ITPR2: variants seen among roughly 807,000 people sequenced by gnomAD.
The protein encoded by ITPR2 is inositol 1,4,5-trisphosphate receptor type 2.
Under a neutral mutation model 317.1 loss-of-function variants are expected in ITPR2, and 207 were observed. That is an observed-to-expected ratio of 0.65 (90% CI 0.58 to 0.73). ITPR2 has a LOEUF of 0.73. ITPR2 is among the 30% of genes least tolerant of loss of function. The probability of loss-of-function intolerance (pLI) is 0.00; values close to 1 mark genes in which losing one functional copy is unlikely to be tolerated. For synonymous variants in ITPR2, 1,156 were observed against 1,149.1 expected, an observed-to-expected ratio of 1.01 and a Z score of -0.12; for missense variants, 2,613 against 3,284.0, an observed-to-expected ratio of 0.80 and a Z score of 4.99.
At chr12:26,589,829 T>C (rs138215755) in intron 32 of ITPR2, among the ~76,000 whole-genome samples, 2 of 22,794 alleles carry the variant, frequency 8.8e-5, no homozygotes, top group African/African-American at 2.5e-4. Context: ...AATAAATAAA[T>C]AAACATATAT....
chr12:26,489,891 C>G (rs781759196), intron 39 of ITPR2, among the ~76,000 whole-genome samples: 11 of 152,120 alleles, frequency 7.2e-5, no homozygotes, highest in Non-Finnish European at 1.6e-4. Context: ...CCCCATGGAA[C>G]TGGCAAGTGT....
chr12:26,782,032 ATG>A (rs1437072050), intron 2 of ITPR2, among the ~76,000 whole-genome samples: 2,540 of 26,382 alleles, frequency 0.096, 124 homozygotes, highest in Non-Finnish European at 0.13. Flanking sequence ...ATATATATAT[ATG>A]TATAGAGAGA....
At position 26,475,279 on chromosome 12, in the gene ITPR2, G is replaced by A; in HGVS notation, c.6342+17C>T. The A allele has an allele frequency of 6.2e-7, 1 of 1,613,084 alleles. No individual in the cohort carries two copies. Reference sequence around the variant, plus strand: ...GATAGGATGAGCAAAATAATGTAAAGATATAAAATGTGACACCTGATGGGC... The same window carrying A: ...GATAGGATGAGCAAAATAATGTAAAAATATAAAATGTGACACCTGATGGGC... On this transcript the variant is annotated intron_variant, in intron 45 of 56. Transcript: ENST00000381340.
At chr12:26,522,842 G>A (rs565561694) in intron 37 of ITPR2, among the ~76,000 whole-genome samples, 162 of 146,274 alleles carry the variant, frequency 1.1e-3, no homozygotes, top group African/African-American at 3.9e-3. Flanking sequence ...CTTCCACGGC[G>A]GGGGGGGAAC....
At chr12:26,457,162 C>G (rs61914406) in intron 45 of ITPR2, among the ~76,000 whole-genome samples, 5,863 of 152,140 alleles carry the variant, frequency 0.039, 182 homozygotes, top group Non-Finnish European at 0.063. Context: ...GAAAATAAAG[C>G]GGAGGACGGA....
At chr12:26,819,742 T>C (rs2137289252) in intron 1 of ITPR2, among the ~76,000 whole-genome samples, 1 of 151,922 alleles carries the variant, frequency 6.6e-6, no homozygotes, top group Middle Eastern at 3.4e-3. Context: ...CTTTCTTTAA[T>C]GTGGCTATAG....
At chr12:26,447,067 C>T (rs1302925737) in intron 45 of ITPR2, among the ~76,000 whole-genome samples, 1 of 152,142 alleles carries the variant, frequency 6.6e-6, no homozygotes, top group South Asian at 2.1e-4. Flanking sequence ...TGGTCTGTGA[C>T]ATCCTCAAAT....
chr12:26,441,644 C>G (rs555309690), intron 46 of ITPR2, among the ~76,000 whole-genome samples: 1 of 152,236 alleles, frequency 6.6e-6, no homozygotes, highest in African/African-American at 2.4e-5. Context: ...TCAGCCTGGA[C>G]CACTCCTTTG....
chr12:26,374,397 C>T (rs879291373), intron 55 of ITPR2, among the ~76,000 whole-genome samples: 9 of 152,274 alleles, frequency 5.9e-5, no homozygotes, highest in Middle Eastern at 3.4e-3. Context: ...CAGATGTGGG[C>T]GCAGCATCTA....
At chr12:26,587,569 G>A (rs555430525) in intron 32 of ITPR2, among the ~76,000 whole-genome samples, 61 of 152,286 alleles carry the variant, frequency 4.0e-4, no homozygotes, top group African/African-American at 1.5e-3. Flanking sequence ...CAGATAGCTA[G>A]CTAGGGGGAG....
At chr12:26,616,224 G>A (rs967754859) in intron 26 of ITPR2, among the ~76,000 whole-genome samples, 1 of 151,844 alleles carries the variant, frequency 6.6e-6, no homozygotes, top group Non-Finnish European at 1.5e-5. Context: ...TGCAAGCTCC[G>A]CCTCCCGGGT....
chr12:26,497,232 C>G (rs1942956150), intron 37 of ITPR2, among the ~76,000 whole-genome samples: 1 of 150,016 alleles, frequency 6.7e-6, no homozygotes, highest in Non-Finnish European at 1.5e-5. Flanking sequence ...CGGCTCACTG[C>G]AAGCTCCGCC....
intron 55 of ITPR2, among the ~76,000 whole-genome samples, chr12:26,350,948 G>T (rs1428330674): frequency 6.6e-6 from 1 of 152,200 alleles, no homozygotes; most frequent in Non-Finnish European, 1.5e-5. Flanking sequence ...ACAGGGCACC[G>T]AGGGATAGAG....
intron 22 of ITPR2, among the ~76,000 whole-genome samples, chr12:26,629,457 C>T (rs1946696242): frequency 6.6e-6 from 1 of 151,932 alleles, no homozygotes; most frequent in South Asian, 2.1e-4. Flanking sequence ...CATGGTGGTG[C>T]GTGCCTGTAA....
At position 26,658,092 on chromosome 12, in the gene ITPR2, G is replaced by GA; in HGVS notation, c.1924_1925insT (p.Thr642IlefsTer13). 1.2e-6 allele frequency: 2 copies of GA among 1,610,234 alleles called. No individual in the cohort carries two copies. The highest frequency in any genetic ancestry group is 1.7e-6 in the Non-Finnish European group (2 of 1,178,036). On this transcript the variant is annotated frameshift_variant, in exon 17 of 57. Coordinates refer to ENST00000381340, the MANE Select transcript of ITPR2 (RefSeq NM_002223.4). LOFTEE classifies it high-confidence loss of function. ...TTCTTGAGTTACAGGGATAGCAGTG[G>GA]TATTAGACACACACAGATCTGACAA...
chr12:26,652,287 TG>T (rs1017619744), intron 21 of ITPR2, among the ~76,000 whole-genome samples: 1 of 152,122 alleles, frequency 6.6e-6, no homozygotes, highest in Admixed American at 6.5e-5. Context: ...CTTCTAGTTA[TG>T]CTGAAGGTGA....
At chr12:26,530,010 G>T (rs1161953215) in intron 37 of ITPR2, among the ~76,000 whole-genome samples, 3 of 152,162 alleles carry the variant, frequency 2.0e-5, no homozygotes, top group Non-Finnish European at 4.4e-5. Flanking sequence ...TGCAGTTTAA[G>T]TCTACCTCCA....
intron 45 of ITPR2, among the ~76,000 whole-genome samples, chr12:26,451,353 CT>C (rs1941736532): frequency 1.5e-5 from 2 of 129,812 alleles, no homozygotes; most frequent in South Asian, 5.1e-4. Flanking sequence ...CTCAAGACAG[CT>C]TTCTCTCATA....
chr12:26,380,601 T>C (rs1477452830), intron 55 of ITPR2, among the ~76,000 whole-genome samples: 2 of 152,240 alleles, frequency 1.3e-5, no homozygotes, highest in Non-Finnish European at 2.9e-5. Flanking sequence ...AGCAGTTACA[T>C]AATTGGCTTA....
Sources: gnomAD v4.1 joint callset for allele counts (sites outside exome capture counted in the v4.1 genomes callset) on GRCh38, gnomAD v4.1.1 for gene constraint, MANE v1.5 for transcripts, NCBI Gene and HGNC (gene_info 2026-07-23, HGNC 2026-07-21) for gene names.